ADAM17: variants seen among roughly 807,000 people sequenced by gnomAD.
The protein encoded by ADAM17 is ADAM metallopeptidase domain 17, also known as disintegrin and metalloproteinase domain-containing protein 17.
A neutral mutation model predicts 96.7 loss-of-function variants in ADAM17; 39 were observed. That is an observed-to-expected ratio of 0.40 (90% CI 0.31 to 0.53). The LOEUF (loss-of-function observed/expected upper bound fraction) is 0.53, where lower values mean the gene tolerates loss of function less well. Ranked by LOEUF, ADAM17 falls within the 20% of genes least tolerant of loss-of-function variation. The pLI is 0.44. For missense variants in ADAM17, 777 were observed against 1,013.2 expected (o/e 0.77, Z 3.17); for synonymous variants, 344 against 359.2 (o/e 0.96, Z 0.48).
intron 17 of ADAM17, among the ~76,000 whole-genome samples, chr2:9,492,105 G>GA (rs1454466461): frequency 2.6e-5 from 4 of 152,216 alleles, no homozygotes; most frequent in Non-Finnish European, 4.4e-5. Flanking sequence ...GAAAGGAAAG[G>GA]AAGGAGGCAG....
chr2:9,524,624 G>A (rs976675633), intron 6 of ADAM17, among the ~76,000 whole-genome samples: 8 of 152,050 alleles, frequency 5.3e-5, no homozygotes, highest in Admixed American at 2.6e-4. Context: ...TGAGTACCTC[G>A]AATGTCTTCC....
chr2:9,500,713 C>T (rs1391646866), intron 13 of ADAM17, among the ~76,000 whole-genome samples: 1 of 152,032 alleles, frequency 6.6e-6, no homozygotes, highest in Non-Finnish European at 1.5e-5. Context: ...AGTCAAAAAA[C>T]ATCGCAAGGG....
chr2:9,517,250 T>C (rs755855318), intron 10 of ADAM17, among the ~76,000 whole-genome samples: 4 of 152,166 alleles, frequency 2.6e-5, no homozygotes, highest in Non-Finnish European at 5.9e-5. Flanking sequence ...AAACACATTT[T>C]AACAGACATA....
intron 7 of ADAM17, among the ~76,000 whole-genome samples, chr2:9,522,810 C>A (rs1314767429): frequency 6.6e-6 from 1 of 152,056 alleles, no homozygotes; most frequent in Non-Finnish European, 1.5e-5. Context: ...TACAAGAAAT[C>A]AGAAGGAGAT....
intron 7 of ADAM17, 81 bp from the exon 8 acceptor site, chr2:9,521,397 C>G: frequency 1.0e-6 from 1 of 965,902 alleles, no homozygotes; most frequent in Admixed American, 2.6e-5. Flanking sequence ...TTTATCTGTT[C>G]AAAAAAAGAA....
chr2:9,488,809 G>A lies in ADAM17; in HGVS notation c.*1368C>T, dbSNP rs535134179. 1 of 152,350 alleles carries A rather than the reference G, an allele frequency of 6.6e-6. No homozygotes were observed. The highest frequency in any genetic ancestry group is 6.5e-5 in the Admixed American group (1 of 15,296). The allele number at this position is 152,350 out of a possible 1,614,324, so 9.4% of individuals were successfully genotyped here. On this transcript the variant is annotated 3_prime_UTR_variant, in exon 19 of 19. Transcript: ENST00000310823. ...GAGTAACAAATGTCCTTGGAAATGG[G>A]GGGTAGGAGGAGATATGATTAGTCA... is the stretch of plus-strand genomic sequence containing the variant.
intron 2 of ADAM17, among the ~76,000 whole-genome samples, chr2:9,537,449 T>C (rs911235707): frequency 2.0e-5 from 3 of 152,184 alleles, no homozygotes; most frequent in Non-Finnish European, 4.4e-5. Flanking sequence ...AAAGTACTCA[T>C]GCGGCCGTGC....
At chr2:9,512,918 A>G (rs1031087457) in intron 10 of ADAM17, among the ~76,000 whole-genome samples, 1 of 152,156 alleles carries the variant, frequency 6.6e-6, no homozygotes, top group Non-Finnish European at 1.5e-5. Flanking sequence ...TCCCAACTCC[A>G]TGGGGACAGA....
At position 9,504,539 on chromosome 2, in the gene ADAM17, G is replaced by C. The variant is rs544692867; in HGVS notation, c.1544+627C>G. Among the ~76,000 whole-genome samples the C allele has an allele frequency of 3.9e-5, 6 of 152,190 alleles. No homozygotes were observed. In the South Asian group the frequency reaches 1.2e-3, roughly 32 times the overall value. Reference sequence around the variant, plus strand: ...CCCAGCACTTTGGGAGGCCAAGGTGGATGGATCACAAGGTCAGGAGTTGGA... The same window carrying C: ...CCCAGCACTTTGGGAGGCCAAGGTGCATGGATCACAAGGTCAGGAGTTGGA... On this transcript the variant is annotated intron_variant, in intron 12 of 18. Transcript: ENST00000310823.
Position 9,490,024 on chromosome 2 carries a change from C to T in ADAM17, c.*153G>A, listed in dbSNP as rs1359738428. The T allele has an allele frequency of 1.4e-6, 1 of 705,236 alleles. No individual in the cohort carries two copies. The highest frequency in any genetic ancestry group is 1.8e-5 in the African/African-American group (1 of 55,998). 43.7% of individuals were successfully genotyped at this position (705,236 alleles called of 1,614,324 possible). On this transcript the variant is annotated 3_prime_UTR_variant, in exon 19 of 19. Transcript: ENST00000310823. ...TTTCAAAAGGAGAAGGGCCAAACCA[C>T]ACAAGAACTGTTTACCTGCAGGAAG...
At position 9,527,701 on chromosome 2, in the gene ADAM17, A is replaced by AT. The variant is rs1488260026; in HGVS notation, c.619+84dup. The AT allele has an allele frequency of 8.4e-6, 8 of 955,928 alleles. No homozygotes were observed. The East Asian group carries it at 8.7e-5, about 10-fold the overall frequency. The allele number at this position is 955,928 out of a possible 1,614,324, so 59.2% of individuals were successfully genotyped here. A position where few individuals can be genotyped will look rare whatever the true frequency, so the allele number is the denominator to read the frequency against. Reference sequence around the variant, plus strand: ...ACTATAGTTACTTGACAATCATGTTATTTTTTAACAAATAACAACCACCCC... The same window carrying AT: ...ACTATAGTTACTTGACAATCATGTTATTTTTTTAACAAATAACAACCACCCC... On this transcript the variant is annotated intron_variant, in intron 5 of 18. Coordinates refer to ENST00000310823, the MANE Select transcript of ADAM17 (RefSeq NM_003183.6).
intron 2 of ADAM17, among the ~76,000 whole-genome samples, chr2:9,538,113 T>C (rs1665063970): frequency 6.6e-6 from 1 of 152,146 alleles, no homozygotes; most frequent in South Asian, 2.1e-4. Flanking sequence ...ATTCTTTTTG[T>C]TTTCTATGAC....
At chr2:9,555,397 G>T in intron 1 of ADAM17, 112 bp downstream of exon 1, 3 of 858,476 alleles carry the variant, frequency 3.5e-6, no homozygotes, top group Middle Eastern at 3.7e-4. Flanking sequence ...TTAGGGACGC[G>T]CCACCATCGC....
intron 2 of ADAM17, among the ~76,000 whole-genome samples, chr2:9,542,682 G>C (rs1281303056): frequency 6.6e-6 from 1 of 152,000 alleles, no homozygotes; most frequent in Admixed American, 6.6e-5. Context: ...ATACTCATCA[G>C]TATGAACTTT....
At chr2:9,499,494 C>T (rs1193043459) in intron 13 of ADAM17, among the ~76,000 whole-genome samples, 6 of 151,976 alleles carry the variant, frequency 3.9e-5, no homozygotes, top group African/African-American at 9.7e-5. Context: ...CTCCGCCTCC[C>T]GGGTTCACGC....
Position 9,497,542 on chromosome 2 carries a change from T to C in ADAM17, c.1649-294A>G, listed in dbSNP as rs1189586079. On this transcript the variant is annotated intron_variant, in intron 13 of 18. Coordinates refer to ENST00000310823, the MANE Select transcript of ADAM17 (RefSeq NM_003183.6). Reference sequence around the variant, plus strand: ...ATATATAAAAGAATATCCTATGTGCTATTACTTAGAATAAATTGCAAACTT... The same window carrying C: ...ATATATAAAAGAATATCCTATGTGCCATTACTTAGAATAAATTGCAAACTT... Among the ~76,000 whole-genome samples the C allele has an allele frequency of 3.3e-5, 5 of 152,232 alleles. No individual in the cohort carries two copies. In the East Asian group the frequency reaches 7.7e-4, roughly 23 times the overall value.
At position 9,536,737 on chromosome 2, in the gene ADAM17, T is replaced by C. The variant is rs755955503; in HGVS notation, c.322A>G (p.Thr108Ala). 6 of 1,614,116 alleles carry C rather than the reference T, an allele frequency of 3.7e-6. No individual in the cohort carries two copies. The South Asian group carries it at 5.5e-5, about 15-fold the overall frequency. The change falls in exon 3 of 19, where the codon ACT becomes GCT. Residue 108 changes from threonine (T) to alanine (A), a missense_variant. Physicochemically the swap from Thr to Ala is moderately conservative, Grantham distance 58 (BLOSUM62 0). This residue lies in a region of ADAM17 where 134 missense variants were observed against 129.1 expected (regional missense o/e 1.04). Coordinates refer to ENST00000310823, the MANE Select transcript of ADAM17 (RefSeq NM_003183.6). ...VVDGKNESEY[T>A]VKWQDFFTGH... is the part of the protein sequence containing the mutation. ...GTGAAGAAGTCCTGCCATTTTACAGTGTACTCGCTTTCGTTTTTACCATCC... is the reference window on the plus strand; with the variant it reads ...GTGAAGAAGTCCTGCCATTTTACAGCGTACTCGCTTTCGTTTTTACCATCC...
chr2:9,512,252 G>A (rs1344094009), intron 10 of ADAM17: 3 of 100,652 alleles, frequency 3.0e-5, no homozygotes, highest in African/African-American at 9.4e-5. Context: ...ATTTGCTAAT[G>A]ACTCTTAAAA....
intron 6 of ADAM17, among the ~76,000 whole-genome samples, chr2:9,524,154 G>A (rs1382403854): frequency 2.0e-5 from 3 of 151,622 alleles, no homozygotes; most frequent in African/African-American, 7.3e-5. Flanking sequence ...TTATTTTATT[G>A]GTAAGGCTTC....
Sources: gnomAD v4.1 joint callset for allele counts (sites outside exome capture counted in the v4.1 genomes callset) on GRCh38, gnomAD v4.1.1 for gene constraint, gnomAD v4.1.1 regional missense constraint, MANE v1.5 for transcripts, NCBI Gene and HGNC (gene_info 2026-07-23, HGNC 2026-07-21) for gene names.